SAMMSON: variants seen among roughly 807,000 people sequenced by gnomAD.
The protein encoded by SAMMSON is survival associated mitochondrial melanoma specific oncogenic non-coding RNA.
At chr3:70,265,610 C>T (rs1473213617) in intron 6 of SAMMSON, among the ~76,000 whole-genome samples, 1 of 152,142 alleles carries the variant, frequency 6.6e-6, no homozygotes, top group Non-Finnish European at 1.5e-5. Flanking sequence ...AACTGACTGG[C>T]AAAGGTAAGC....
At chr3:70,234,972 G>A (rs189932667) in intron 4 of SAMMSON, among the ~76,000 whole-genome samples, 20 of 152,240 alleles carry the variant, frequency 1.3e-4, no homozygotes, top group Admixed American at 7.2e-4. Flanking sequence ...TGGGCATCAC[G>A]ATTTTTAGCA....
At chr3:70,384,525 A>C (rs1703104448) in intron 9 of SAMMSON, among the ~76,000 whole-genome samples, 1 of 152,072 alleles carries the variant, frequency 6.6e-6, no homozygotes, top group African/African-American at 2.4e-5. Context: ...TCCTCCGGAC[A>C]TAAAACTTCT....
chr3:70,276,908 A>G (rs1457275214), intron 6 of SAMMSON, among the ~76,000 whole-genome samples: 3 of 152,146 alleles, frequency 2.0e-5, no homozygotes, highest in Admixed American at 6.5e-5. Flanking sequence ...TATGTTCTCA[A>G]CTGTAATCAG....
At chr3:70,244,823 T>A (rs1246236961) in intron 4 of SAMMSON, among the ~76,000 whole-genome samples, 1 of 152,248 alleles carries the variant, frequency 6.6e-6, no homozygotes, top group African/African-American at 2.4e-5. Context: ...TCCATGCCTC[T>A]CACATTCCTA....
chr3:70,390,024 A>G (rs1426010349), downstream of SAMMSON, among the ~76,000 whole-genome samples: 1 of 152,132 alleles, frequency 6.6e-6, no homozygotes, highest in Non-Finnish European at 1.5e-5. Context: ...AAGGTGGTAG[A>G]AATAACATCA....
chr3:70,196,095 C>T (rs1701176620), intron 4 of SAMMSON, among the ~76,000 whole-genome samples: 1 of 152,134 alleles, frequency 6.6e-6, no homozygotes, highest in African/African-American at 2.4e-5. Context: ...TTTTAATATC[C>T]TGTTGCTTAT....
chr3:70,013,906 G>A (rs966284205), intron 3 of SAMMSON: 6 of 152,108 alleles, frequency 3.9e-5, no homozygotes, highest in African/African-American at 1.4e-4. Flanking sequence ...CGGCTCTCTG[G>A]AAAACTCTGT....
intron 7 of SAMMSON, among the ~76,000 whole-genome samples, chr3:70,347,998 G>A (rs1331852329): frequency 6.6e-6 from 1 of 152,084 alleles, no homozygotes; most frequent in African/African-American, 2.4e-5. Flanking sequence ...AGACCAGATC[G>A]CGCCACTACA....
At chr3:70,006,420 C>A (rs1473812581) in intron 1 of SAMMSON, among the ~76,000 whole-genome samples, 2 of 152,112 alleles carry the variant, frequency 1.3e-5, no homozygotes, top group Non-Finnish European at 2.9e-5. Context: ...TTTTCCTGAG[C>A]CTTATAAAGT....
At chr3:70,377,078 A>G (rs1294786558) in intron 9 of SAMMSON, among the ~76,000 whole-genome samples, 1 of 152,184 alleles carries the variant, frequency 6.6e-6, no homozygotes, top group Admixed American at 6.5e-5. Flanking sequence ...AAAACAATAG[A>G]AATAAACTGT....
At chr3:70,217,091 G>A (rs1701419234) in intron 4 of SAMMSON, among the ~76,000 whole-genome samples, 1 of 152,034 alleles carries the variant, frequency 6.6e-6, no homozygotes, top group African/African-American at 2.4e-5. Flanking sequence ...TGCTTATGGT[G>A]TACATGTATT....
chr3:70,375,899 A>T (rs1353742175), intron 9 of SAMMSON, among the ~76,000 whole-genome samples: 1 of 152,112 alleles, frequency 6.6e-6, no homozygotes, highest in African/African-American at 2.4e-5. Flanking sequence ...TGTTTTGGGT[A>T]GTTCATATAC....
At chr3:70,230,561 C>T (rs967639517) in intron 4 of SAMMSON, among the ~76,000 whole-genome samples, 2 of 152,132 alleles carry the variant, frequency 1.3e-5, no homozygotes, top group Admixed American at 6.5e-5. Context: ...ATGGAACTCT[C>T]TCTTGAAATT....
At chr3:70,336,558 C>G (rs942571011) in intron 7 of SAMMSON, among the ~76,000 whole-genome samples, 1 of 151,894 alleles carries the variant, frequency 6.6e-6, no homozygotes, top group African/African-American at 2.4e-5. Context: ...CGTCAGGAAA[C>G]TAACATTTTC....
intron 7 of SAMMSON, among the ~76,000 whole-genome samples, chr3:70,349,944 T>C (rs1702781228): frequency 1.3e-5 from 2 of 152,182 alleles, no homozygotes; most frequent in East Asian, 1.9e-4. Flanking sequence ...TTTTTGAACA[T>C]GATTGTTGCA....
rs1553715435 is a variant in SAMMSON at position 70,108,441 on chromosome 3, T to TTTTTTTTTTTTTA, written n.507+36876_507+36877insTTTTTTTTTTTTA. Among the ~76,000 whole-genome samples, 194 of 146,350 alleles carry TTTTTTTTTTTTTA rather than the reference T, an allele frequency of 1.3e-3. 2 individuals are homozygous for TTTTTTTTTTTTTA. Among genetic ancestry groups the TTTTTTTTTTTTTA allele is most frequent in the African/African-American group, 4.8e-3 (183 of 38,468 alleles). ...GCGGTTCCTTTTTTTTTTTTTTTTT[T>TTTTTTTTTTTTTA]ATCATAACTCACCTAAGGAGCTGAG... On this transcript the variant is annotated intron_variant and non_coding_transcript_variant, in intron 4 of 9. Coordinates refer to ENST00000642114, the Ensembl canonical transcript of SAMMSON.
At chr3:70,184,403 A>T (rs537822521) in intron 4 of SAMMSON, among the ~76,000 whole-genome samples, 15 of 152,322 alleles carry the variant, frequency 9.8e-5, no homozygotes, top group African/African-American at 3.6e-4. Flanking sequence ...TCTGCTTCAC[A>T]CTACTGTGCT....
chr3:70,317,673 C>T (rs1702504769), intron 7 of SAMMSON, among the ~76,000 whole-genome samples: 1 of 151,306 alleles, frequency 6.6e-6, no homozygotes, highest in Non-Finnish European at 1.5e-5. Flanking sequence ...GTTCACTTAG[C>T]TGTCTTAAAA....
chr3:70,175,467 T>C (rs183020805), intron 4 of SAMMSON, among the ~76,000 whole-genome samples: 2 of 152,102 alleles, frequency 1.3e-5, no homozygotes, highest in Admixed American at 1.3e-4. Context: ...AGACAGGAAG[T>C]ATAGGATTCA....
Sources: gnomAD v4.1 joint callset for allele counts (sites outside exome capture counted in the v4.1 genomes callset) on GRCh38, gnomAD v4.1.1 for gene constraint, MANE v1.5 for transcripts, NCBI Gene and HGNC (gene_info 2026-07-23, HGNC 2026-07-21) for gene names.